GPC6: variants seen among roughly 807,000 people sequenced by gnomAD.
GPC6 encodes glypican 6.
Under a neutral mutation model 55.2 loss-of-function variants are expected in GPC6, and 14 were observed. That is an observed-to-expected ratio of 0.25 (90% CI 0.17 to 0.40). The LOEUF is 0.40. Among genes scored for constraint, GPC6 ranks in the 10% least tolerant of loss-of-function variants. The probability of loss-of-function intolerance (pLI) is 1.00; values close to 1 mark genes in which losing one functional copy is unlikely to be tolerated. For missense variants in GPC6, 641 were observed against 708.5 expected, an observed-to-expected ratio of 0.90 and a Z score of 1.08; for synonymous variants, 278 against 259.6, an observed-to-expected ratio of 1.07 and a Z score of -0.68.
intron 1 of GPC6, among the ~76,000 whole-genome samples, chr13:93,488,227 T>C (rs1879806455): frequency 6.6e-6 from 1 of 152,188 alleles, no homozygotes; most frequent in Admixed American, 6.5e-5. Context: ...GTGTTTGGTT[T>C]TTTGTCCTTG....
chr13:93,658,285 G>T (rs1422493357), intron 2 of GPC6, among the ~76,000 whole-genome samples: 1 of 151,782 alleles, frequency 6.6e-6, no homozygotes, highest in Non-Finnish European at 1.5e-5. Flanking sequence ...TCATATAACT[G>T]ATACTTTGGA....
intron 1 of GPC6, among the ~76,000 whole-genome samples, chr13:93,252,914 A>T (rs1250430199): frequency 1.3e-5 from 2 of 152,266 alleles, no homozygotes; most frequent in African/African-American, 4.8e-5. Flanking sequence ...TTTCTTTGAA[A>T]GATTGCAGCT....
chr13:93,772,547 G>A (rs957524418), intron 2 of GPC6, among the ~76,000 whole-genome samples: 1 of 151,934 alleles, frequency 6.6e-6, no homozygotes, highest in African/African-American at 2.4e-5. Context: ...AAAAACAGGT[G>A]TACTTCAGAA....
At chr13:93,622,731 C>T (rs1374665666) in intron 2 of GPC6, among the ~76,000 whole-genome samples, 1 of 151,902 alleles carries the variant, frequency 6.6e-6, no homozygotes, top group African/African-American at 2.4e-5. Context: ...ACATTATTAC[C>T]TCAAAGATAT....
chr13:94,064,561 CATCTTGA>C (rs1884450022), intron 4 of GPC6, among the ~76,000 whole-genome samples: 1 of 152,254 alleles, frequency 6.6e-6, no homozygotes, highest in South Asian at 2.1e-4. Context: ...GACCAGGACT[CATCTTGA>C]ATTTCCAAAA....
intron 4 of GPC6, among the ~76,000 whole-genome samples, chr13:94,165,920 T>A (rs1888352666): frequency 1.3e-5 from 2 of 152,158 alleles, no homozygotes; most frequent in South Asian, 4.1e-4. Flanking sequence ...TACAAATACA[T>A]ATTTTGTGTA....
chr13:93,426,956 T>G (rs1173204047), intron 1 of GPC6, among the ~76,000 whole-genome samples: 2 of 150,060 alleles, frequency 1.3e-5, no homozygotes, highest in Non-Finnish European at 1.5e-5. Context: ...GGTATCTCAT[T>G]GTGGTTTTGA....
chr13:93,822,563 A>T (rs896055452), intron 2 of GPC6, among the ~76,000 whole-genome samples: 7 of 152,034 alleles, frequency 4.6e-5, no homozygotes, highest in African/African-American at 9.7e-5. Flanking sequence ...CATCACCTAC[A>T]TTAGGTATTT....
At chr13:94,180,920 G>T (rs1215912294) in intron 4 of GPC6, among the ~76,000 whole-genome samples, 1 of 151,958 alleles carries the variant, frequency 6.6e-6, no homozygotes, top group Non-Finnish European at 1.5e-5. Context: ...GAAACAAGGA[G>T]GCTTTAATGT....
At chr13:93,454,276 C>G (rs1878347539) in intron 1 of GPC6, among the ~76,000 whole-genome samples, 1 of 150,896 alleles carries the variant, frequency 6.6e-6, no homozygotes, top group South Asian at 2.1e-4. Context: ...TAGCTAGATA[C>G]AGAGTGTCCA....
chr13:93,830,717 T>G, intron 3 of GPC6, 172 bp downstream of exon 3: 2 of 639,456 alleles, frequency 3.1e-6, no homozygotes, highest in South Asian at 2.0e-5. Flanking sequence ...TTTCTTTTCC[T>G]TGCATTGTGT....
At chr13:93,570,871 A>G (rs1876367718) in intron 2 of GPC6, among the ~76,000 whole-genome samples, 1 of 152,162 alleles carries the variant, frequency 6.6e-6, no homozygotes, top group South Asian at 2.1e-4. Flanking sequence ...ACTGAGAGAA[A>G]CAATAGAACA....
At chr13:93,452,478 C>T (rs913895621) in intron 1 of GPC6, among the ~76,000 whole-genome samples, 11 of 152,154 alleles carry the variant, frequency 7.2e-5, no homozygotes, top group African/African-American at 1.7e-4. Flanking sequence ...TTTGCTTCAG[C>T]GCTTCTTTGA....
intron 1 of GPC6, among the ~76,000 whole-genome samples, chr13:93,337,293 T>C (rs958054540): frequency 6.6e-6 from 1 of 152,146 alleles, no homozygotes; most frequent in South Asian, 2.1e-4. Context: ...TCTATGAAGG[T>C]TTATTATGAG....
chr13:93,324,538 ATGTG>A (rs372226917), intron 1 of GPC6, among the ~76,000 whole-genome samples: 1 of 135,532 alleles, frequency 7.4e-6, no homozygotes, highest in South Asian at 2.5e-4. Flanking sequence ...TCATGTATGT[ATGTG>A]TGTATATATA....
chr13:94,091,628 A>G (rs866865472), intron 4 of GPC6, among the ~76,000 whole-genome samples: 1 of 152,124 alleles, frequency 6.6e-6, no homozygotes, highest in Non-Finnish European at 1.5e-5. Flanking sequence ...TAATTTTGCT[A>G]CTTAGACCTC....
chr13:93,874,637 T>A (rs1329646648), intron 3 of GPC6, among the ~76,000 whole-genome samples: 1 of 150,568 alleles, frequency 6.6e-6, no homozygotes, highest in Non-Finnish European at 1.5e-5. Context: ...TCTATATTCT[T>A]ACCAGTCATG....
intron 2 of GPC6, among the ~76,000 whole-genome samples, chr13:93,714,002 C>T (rs1435137667): frequency 4.0e-5 from 6 of 151,708 alleles, no homozygotes; most frequent in Admixed American, 2.0e-4. Context: ...ACCCAGGAAA[C>T]ACCATTCTGT....
At chr13:94,091,508 CT>C (rs1885478506) in intron 4 of GPC6, among the ~76,000 whole-genome samples, 1 of 152,090 alleles carries the variant, frequency 6.6e-6, no homozygotes, top group Non-Finnish European at 1.5e-5. Context: ...TGTTGATTCA[CT>C]TTTGGGTAAC....
Sources: allele counts gnomAD v4.1 joint callset (sites outside exome capture counted in the v4.1 genomes callset), GRCh38; gene constraint gnomAD v4.1.1; transcripts MANE v1.5; gene names NCBI Gene and HGNC (gene_info 2026-07-23, HGNC 2026-07-21).